The following CNTNAP2 variants were observed in gnomAD, a reference collection of about 807,000 sequenced individuals.
The protein encoded by CNTNAP2 is contactin associated protein 2.
In CNTNAP2, 98 loss-of-function variants were observed where a neutral mutation model predicts 155.2. The ratio of observed to expected loss-of-function variants is 0.63; its 90% CI spans 0.54 to 0.75. The LOEUF is 0.75. Ranked by LOEUF, CNTNAP2 falls within the 30% of genes least tolerant of loss-of-function variation. The pLI is 0.00. For missense variants in CNTNAP2, 1,727 were observed against 1,688.1 expected, an observed-to-expected ratio of 1.02 and a Z score of -0.40; for synonymous variants, 651 against 631.2, an observed-to-expected ratio of 1.03 and a Z score of -0.47.
intron 3 of CNTNAP2, among the ~76,000 whole-genome samples, chr7:147,016,603 T>C (rs1362334028): frequency 6.6e-6 from 1 of 152,100 alleles, no homozygotes; most frequent in Non-Finnish European, 1.5e-5. Flanking sequence ...CTGAACAAAC[T>C]GATTTTCTTG....
chr7:146,498,734 G>A (rs1423399959), intron 1 of CNTNAP2, among the ~76,000 whole-genome samples: 2 of 151,526 alleles, frequency 1.3e-5, no homozygotes, highest in Admixed American at 6.6e-5. Context: ...AAGGCCCTTT[G>A]AGTCATGTTC....
intron 17 of CNTNAP2, among the ~76,000 whole-genome samples, chr7:148,161,886 C>G (rs1434058910): frequency 1.3e-5 from 2 of 152,166 alleles, no homozygotes; most frequent in Non-Finnish European, 2.9e-5. Context: ...CCCTTTTCCT[C>G]AATCCCCAAG....
At chr7:146,880,628 A>T (rs527438410) in intron 3 of CNTNAP2, among the ~76,000 whole-genome samples, 1 of 152,242 alleles carries the variant, frequency 6.6e-6, no homozygotes, top group Non-Finnish European at 1.5e-5. Context: ...CCTCTTTATC[A>T]TCCCAACTAA....
intron 20 of CNTNAP2, among the ~76,000 whole-genome samples, chr7:148,249,238 C>A (rs1796325696): frequency 6.6e-6 from 1 of 152,202 alleles, no homozygotes; most frequent in Admixed American, 6.5e-5. Context: ...GACCTTCTCA[C>A]CACCAAACCC....
rs545035342 is a variant in CNTNAP2, at chr7:147,611,738, G to T, written c.1898-27368G>T. 7.9e-5 allele frequency among the ~76,000 whole-genome samples: 12 copies of T among 152,248 alleles called. No individual in the cohort carries two copies. In the South Asian group the frequency reaches 2.5e-3, roughly 32 times the overall value. On this transcript the variant is annotated intron_variant, in intron 12 of 23. Transcript: ENST00000361727. Reference sequence around the variant, plus strand: ...CAGTGTTCCCTACAGAGTTCCATCTGCTTTACATACCTTATTTCTCTACAC... The same window carrying T: ...CAGTGTTCCCTACAGAGTTCCATCTTCTTTACATACCTTATTTCTCTACAC...
chr7:146,711,030 C>G lies in CNTNAP2; in HGVS notation c.98-63241C>G, dbSNP rs1801058141. 2.0e-5 allele frequency among the ~76,000 whole-genome samples: 3 copies of G among 151,826 alleles called. No individual in the cohort carries two copies. The South Asian group carries it at 6.2e-4, about 32-fold the overall frequency. ...AACCTGGAACCTCCTTGCTCAACCTCTTGGCTCAGGTGCTGGGGAGAACAC... is the reference window on the plus strand; with the variant it reads ...AACCTGGAACCTCCTTGCTCAACCTGTTGGCTCAGGTGCTGGGGAGAACAC... On this transcript the variant is annotated intron_variant, in intron 1 of 23. Transcript: ENST00000361727.
At chr7:147,468,045 A>T (rs1185591430) in intron 10 of CNTNAP2, among the ~76,000 whole-genome samples, 1 of 152,114 alleles carries the variant, frequency 6.6e-6, no homozygotes, top group African/African-American at 2.4e-5. Flanking sequence ...GAACTGTGGG[A>T]GGCCAAGGCG....
chr7:146,165,172 A>C (rs1584782251), intron 1 of CNTNAP2, among the ~76,000 whole-genome samples: 1 of 152,258 alleles, frequency 6.6e-6, no homozygotes, highest in East Asian at 1.9e-4. Flanking sequence ...TCTTGGAAAA[A>C]CATAACATAT....
intron 9 of CNTNAP2, among the ~76,000 whole-genome samples, chr7:147,301,290 G>GA (rs1354814544): frequency 2.6e-5 from 4 of 152,102 alleles, no homozygotes; most frequent in Non-Finnish European, 5.9e-5. Flanking sequence ...TTTTCTAATT[G>GA]AAAAAATGTG....
At chr7:146,267,036 C>A (rs1800004711) in intron 1 of CNTNAP2, among the ~76,000 whole-genome samples, 1 of 151,964 alleles carries the variant, frequency 6.6e-6, no homozygotes, top group South Asian at 2.1e-4. Context: ...TTGGAGAAAC[C>A]TGTGTAGTTG....
intron 9 of CNTNAP2, among the ~76,000 whole-genome samples, chr7:147,363,620 T>A (rs1016495789): frequency 6.6e-6 from 1 of 152,230 alleles, no homozygotes; most frequent in African/African-American, 2.4e-5. Context: ...CCAAATAGAC[T>A]CTTTGATAAA....
intron 15 of CNTNAP2, among the ~76,000 whole-genome samples, chr7:148,064,787 A>G (rs1222577242): frequency 6.6e-6 from 1 of 150,914 alleles, no homozygotes; most frequent in Non-Finnish European, 1.5e-5. Flanking sequence ...TTTCAGTTTC[A>G]TTGAGTTTTA....
intron 14 of CNTNAP2, among the ~76,000 whole-genome samples, chr7:147,919,451 T>TTTTC (rs1261865757): frequency 0.12 from 7,301 of 58,682 alleles, 791 homozygotes; most frequent in East Asian, 0.24. Flanking sequence ...TCTGGCTACT[T>TTTTC]TTTCTTTCTT....
chr7:147,295,271 G>A (rs534340746), intron 8 of CNTNAP2, among the ~76,000 whole-genome samples: 105 of 150,860 alleles, frequency 7.0e-4, no homozygotes, highest in Non-Finnish European at 1.3e-3. Flanking sequence ...GTGTGCATGC[G>A]TGTGTGTGTG....
chr7:146,343,777 T>C (rs553574716), intron 1 of CNTNAP2, among the ~76,000 whole-genome samples: 60 of 152,258 alleles, frequency 3.9e-4, no homozygotes, highest in African/African-American at 1.4e-3. Flanking sequence ...TATTTTTTAA[T>C]AGCATAAAAT....
chr7:148,275,941 AAC>A (rs1796863793), intron 21 of CNTNAP2, among the ~76,000 whole-genome samples: 1 of 152,148 alleles, frequency 6.6e-6, no homozygotes. Flanking sequence ...CATCTTTGGA[AAC>A]ACAGTGTGCT....
chr7:146,357,729 A>C (rs983223490), intron 1 of CNTNAP2, among the ~76,000 whole-genome samples: 1 of 152,150 alleles, frequency 6.6e-6, no homozygotes, highest in Non-Finnish European at 1.5e-5. Context: ...GGTAAGATAC[A>C]CTGTTACATC....
chr7:148,279,909 A>AT (rs1407882812), intron 21 of CNTNAP2, among the ~76,000 whole-genome samples: 2 of 152,162 alleles, frequency 1.3e-5, no homozygotes, highest in African/African-American at 4.8e-5. Flanking sequence ...TTTATGCAAC[A>AT]TTTTTGAAAT....
chr7:146,524,280 AGTC>A (rs1263743218), intron 1 of CNTNAP2, among the ~76,000 whole-genome samples: 2 of 152,142 alleles, frequency 1.3e-5, no homozygotes, highest in Non-Finnish European at 2.9e-5. Context: ...TCTTACCTCA[AGTC>A]GTACCAGAGA....
Sources: gnomAD v4.1 joint callset for allele counts (sites outside exome capture counted in the v4.1 genomes callset) on GRCh38, gnomAD v4.1.1 for gene constraint, MANE v1.5 for transcripts, NCBI Gene and HGNC (gene_info 2026-07-23, HGNC 2026-07-21) for gene names.